The following MKLN1 variants were observed in gnomAD, a reference collection of about 807,000 sequenced individuals.
The protein encoded by MKLN1 is muskelin.
In MKLN1, 18 loss-of-function variants were observed where a neutral mutation model predicts 99.0. That is an observed-to-expected ratio of 0.18 (90% CI 0.13 to 0.27). The LOEUF (loss-of-function observed/expected upper bound fraction) is 0.27. Ranked by LOEUF, MKLN1 falls within the 10% of genes least tolerant of loss-of-function variation. MKLN1 has a pLI of 1.00. For synonymous variants in MKLN1, 288 were observed against 293.2 expected, an observed-to-expected ratio of 0.98 and a Z score of 0.18; for missense variants, 621 against 875.9, an observed-to-expected ratio of 0.71 and a Z score of 3.67.
intron 6 of MKLN1, among the ~76,000 whole-genome samples, chr7:131,410,664 A>G (rs1480042848): frequency 5.3e-5 from 8 of 152,182 alleles, no homozygotes; most frequent in African/African-American, 1.2e-4. Context: ...TTAGGATCCA[A>G]TGAATCCATG....
intron 2 of MKLN1, among the ~76,000 whole-genome samples, chr7:131,155,429 A>G (rs1031473283): frequency 3.9e-5 from 6 of 152,218 alleles, no homozygotes; most frequent in Non-Finnish European, 7.3e-5. Flanking sequence ...ACATACATAT[A>G]TCGTGAATGT....
chr7:131,411,477 T>TA, intron 7 of MKLN1, 94 bp downstream of exon 7: 2 of 855,602 alleles, frequency 2.3e-6, no homozygotes, highest in East Asian at 2.6e-5. Flanking sequence ...ACTAAGTTAA[T>TA]AAAAAAGAAG....
chr7:131,471,941 T>C (rs1243108220), intron 16 of MKLN1: 1 of 152,212 alleles, frequency 6.6e-6, no homozygotes, highest in Non-Finnish European at 1.5e-5. Context: ...TACTATAAAA[T>C]TAAGTCCTAA....
intron 6 of MKLN1, among the ~76,000 whole-genome samples, chr7:131,401,193 T>C (rs953090723): frequency 1.3e-5 from 2 of 152,214 alleles, no homozygotes; most frequent in African/African-American, 4.8e-5. Flanking sequence ...AGTATATTAC[T>C]TAGTATGATC....
At chr7:131,466,680 T>C (rs1211051506) in intron 15 of MKLN1, among the ~76,000 whole-genome samples, 1 of 152,228 alleles carries the variant, frequency 6.6e-6, no homozygotes, top group African/African-American at 2.4e-5. Context: ...CATGCCTACA[T>C]TGAAGTAACT....
chr7:131,239,475 C>G (rs1203114090), intron 3 of MKLN1, among the ~76,000 whole-genome samples: 2 of 151,970 alleles, frequency 1.3e-5, no homozygotes, highest in Non-Finnish European at 2.9e-5. Flanking sequence ...ACATGCCACA[C>G]CCAGCTGATT....
intron 15 of MKLN1, among the ~76,000 whole-genome samples, chr7:131,469,225 G>GATGGATGT (rs1796749815): frequency 6.6e-6 from 1 of 152,088 alleles, no homozygotes; most frequent in African/African-American, 2.4e-5. Context: ...TGGATGGATG[G>GATGGATGT]CCGGCCGGCC....
At position 131,327,939 on chromosome 7, in the gene MKLN1, C is replaced by T. The variant is rs762523499; in HGVS notation, c.40C>T (p.Arg14Trp). The T allele has an allele frequency of 6.8e-6, 11 of 1,613,478 alleles. No homozygotes were observed. The highest frequency in any genetic ancestry group is 4.0e-5 in the African/African-American group (3 of 74,884). ...GGAVAAAPECRLLPYALHKWS... is the reference protein window; with the variant it reads ...GGAVAAAPECWLLPYALHKWS... The stretch of plus-strand genomic sequence containing the variant: ...AGCTGTCGCTGCGGCGCCCGAGTGC[C>T]GGCTTCTCCCCTACGCGCTACACAA... The change falls in exon 1 of 18, where the codon CGG becomes TGG. Residue 14 changes from arginine to tryptophan, a missense_variant. This residue lies in a region of MKLN1 where 58 missense variants were observed against 40.0 expected (regional missense o/e 1.45). Transcript: ENST00000352689.
chr7:131,113,732 G>T (rs1440176826), intron 1 of MKLN1, among the ~76,000 whole-genome samples: 1 of 151,990 alleles, frequency 6.6e-6, no homozygotes, highest in Non-Finnish European at 1.5e-5. Context: ...AGCTCCTCAG[G>T]AGGATCACTT....
intron 3 of MKLN1, among the ~76,000 whole-genome samples, chr7:131,263,371 T>A (rs1348877340): frequency 6.7e-6 from 1 of 149,240 alleles, no homozygotes; most frequent in African/African-American, 2.4e-5. Context: ...ATAATAATAA[T>A]AAAATTAGCT....
intron 3 of MKLN1, among the ~76,000 whole-genome samples, chr7:131,304,289 T>G (rs1299855133): frequency 6.6e-6 from 1 of 152,236 alleles, no homozygotes; most frequent in African/African-American, 2.4e-5. Context: ...TAGGATCACC[T>G]GAGCCTAGGA....
chr7:131,178,542 G>A (rs970679855), intron 2 of MKLN1, among the ~76,000 whole-genome samples: 1 of 152,116 alleles, frequency 6.6e-6, no homozygotes, highest in Non-Finnish European at 1.5e-5. Context: ...AGGATGAAGA[G>A]GAATGGACAT....
At chr7:131,293,064 A>G (rs1006091129) in intron 3 of MKLN1, among the ~76,000 whole-genome samples, 1 of 152,236 alleles carries the variant, frequency 6.6e-6, no homozygotes, top group East Asian at 1.9e-4. Context: ...GCTTTTGCCA[A>G]CATAATGCAG....
At chr7:131,363,751 A>T (rs1800096355) in intron 1 of MKLN1, among the ~76,000 whole-genome samples, 1 of 147,820 alleles carries the variant, frequency 6.8e-6, no homozygotes. Context: ...TTTTTGTACC[A>T]TCCCTGGGAA....
intron 12 of MKLN1, among the ~76,000 whole-genome samples, chr7:131,450,804 TATA>T (rs1357847099): frequency 1.3e-5 from 2 of 152,210 alleles, no homozygotes; most frequent in Non-Finnish European, 2.9e-5. Context: ...AGGTTAGAAA[TATA>T]AAAACATGTG....
chr7:131,231,331 G>T (rs1797241135), intron 3 of MKLN1, among the ~76,000 whole-genome samples: 1 of 151,922 alleles, frequency 6.6e-6, no homozygotes, highest in African/African-American at 2.4e-5. Flanking sequence ...AGCACTTCAG[G>T]TACAACCCCA....
intron 3 of MKLN1, among the ~76,000 whole-genome samples, chr7:131,247,605 T>C (rs1233491888): frequency 6.6e-6 from 1 of 152,196 alleles, no homozygotes; most frequent in Non-Finnish European, 1.5e-5. Context: ...TGTTGACTGA[T>C]GCCACTTCCA....
chr7:131,482,300 T>A (rs992591918), intron 17 of MKLN1, among the ~76,000 whole-genome samples: 3 of 152,148 alleles, frequency 2.0e-5, no homozygotes, highest in African/African-American at 7.2e-5. Context: ...GCTCAAGCAA[T>A]CCTTCTGCCT....
chr7:131,143,465 C>CA lies in MKLN1; in HGVS notation c.-297+532dup, dbSNP rs199888067. On this transcript the variant is annotated intron_variant, in intron 2 of 7. Transcript: ENST00000416992. ...CAGGCGACAGTGCGAGACTCCATCT[C>CA]AAAAAAAAGAAAAAATTCTTCATCA... is the stretch of plus-strand genomic sequence containing the variant. 3.3e-5 allele frequency among the ~76,000 whole-genome samples: 5 copies of CA among 150,692 alleles called. No homozygotes were observed. The East Asian group carries it at 5.8e-4, about 18-fold the overall frequency.
Sources: allele counts gnomAD v4.1 joint callset (sites outside exome capture counted in the v4.1 genomes callset), GRCh38; gene constraint gnomAD v4.1.1; regional missense constraint gnomAD v4.1.1; transcripts MANE v1.5; gene names NCBI Gene and HGNC (gene_info 2026-07-23, HGNC 2026-07-21).